Variants in DZIP3 observed in about 807,000 individuals in gnomAD.
The protein encoded by DZIP3 is E3 ubiquitin-protein ligase DZIP3.
A neutral mutation model predicts 162.0 loss-of-function variants in DZIP3; 118 were observed. The ratio of observed to expected loss-of-function variants is 0.73; its 90% CI spans 0.63 to 0.85. The LOEUF is 0.85. Ranked by LOEUF, DZIP3 falls within the 40% of genes least tolerant of loss-of-function variation. DZIP3 has a pLI of 0.00. For missense variants in DZIP3, 1,331 were observed against 1,407.0 expected (o/e 0.95, Z 0.86); for synonymous variants, 438 against 458.6 (o/e 0.96, Z 0.57).
intron 21 of DZIP3, among the ~76,000 whole-genome samples, chr3:108,665,576 C>T (rs146759619): frequency 0.012 from 1,796 of 152,190 alleles, 40 homozygotes; most frequent in African/African-American, 0.041. Flanking sequence ...ACTGAAATTT[C>T]CCCAAATTTG....
At chr3:108,667,941 A>G (rs992031449) in intron 21 of DZIP3, among the ~76,000 whole-genome samples, 1 of 152,102 alleles carries the variant, frequency 6.6e-6, no homozygotes, top group African/African-American at 2.4e-5. Context: ...GGACATAATG[A>G]CTACTCTGTG....
intron 1 of DZIP3, 175 bp downstream of exon 1, chr3:108,590,014 C>T (rs1315268046): frequency 6.6e-6 from 1 of 152,198 alleles, no homozygotes; most frequent in Non-Finnish European, 1.5e-5. Flanking sequence ...AAGTATTTGT[C>T]ACATTTATTC....
At position 108,662,274 on chromosome 3, in the gene DZIP3, T is replaced by G; in HGVS notation, c.2423+17T>G. The G allele has an allele frequency of 1.3e-6, 2 of 1,573,864 alleles. No homozygotes were observed. The highest frequency in any genetic ancestry group is 1.7e-6 in the Non-Finnish European group (2 of 1,167,416). On this transcript the variant is annotated intron_variant, in intron 21 of 32. Transcript: ENST00000361582. ...GGTTTCCAAGTAAGTGTAAATCTTTTGATAAAGGGAAATTCTGCGCCGTAA... is the reference window on the plus strand; with the variant it reads ...GGTTTCCAAGTAAGTGTAAATCTTTGGATAAAGGGAAATTCTGCGCCGTAA...
At chr3:108,622,663 T>G (rs1268622838) in intron 5 of DZIP3, among the ~76,000 whole-genome samples, 1 of 152,172 alleles carries the variant, frequency 6.6e-6, no homozygotes, top group Non-Finnish European at 1.5e-5. Flanking sequence ...ATTTAAGTCC[T>G]TGGTCACTGC....
intron 26 of DZIP3, among the ~76,000 whole-genome samples, chr3:108,681,689 A>G (rs1022499450): frequency 1.3e-5 from 2 of 152,164 alleles, no homozygotes; most frequent in African/African-American, 2.4e-5. Flanking sequence ...CCAAATGCCC[A>G]TCAGTGATAA....
intron 5 of DZIP3, among the ~76,000 whole-genome samples, chr3:108,624,220 T>G (rs115954522): frequency 0.019 from 2,905 of 152,300 alleles, 100 homozygotes; most frequent in African/African-American, 0.067. Flanking sequence ...TTGATTAAAT[T>G]TTAATGTTTT....
chr3:108,626,865 A>G (rs1328375091), intron 7 of DZIP3, among the ~76,000 whole-genome samples: 2 of 152,232 alleles, frequency 1.3e-5, no homozygotes, highest in Non-Finnish European at 2.9e-5. Flanking sequence ...ATGTTTGACT[A>G]AGATCTGAGG....
intron 13 of DZIP3, among the ~76,000 whole-genome samples, chr3:108,643,738 T>C (rs1417866323): frequency 6.6e-6 from 1 of 151,906 alleles, no homozygotes; most frequent in Non-Finnish European, 1.5e-5. Flanking sequence ...TATAAAACAT[T>C]TTATCACATG....
intron 17 of DZIP3, 137 bp from the exon 18 acceptor site, chr3:108,651,000 A>G: frequency 3.9e-6 from 1 of 255,432 alleles, no homozygotes; most frequent in Non-Finnish European, 7.4e-6. Flanking sequence ...GCATAAGTGC[A>G]TATGACATCA....
In DZIP3 at chr3:108,688,851, G is replaced by A; in HGVS notation, c.3443G>A (p.Cys1148Tyr). Residue 1148 changes from cysteine to tyrosine, a missense_variant, in exon 31 of 33, where the codon TGT becomes TAT. Coordinates refer to ENST00000361582, the MANE Select transcript of DZIP3 (RefSeq NM_014648.4). ...PDEEEEEEEP[C>Y]VICHENLSPE... ...GAGGAAGAGGAAGAAGAAGAGCCTT[G>A]TGTGATCTGTCATGAGAATCTGTCT... 1.9e-6 allele frequency: 3 copies of A among 1,614,186 alleles called. No individual in the cohort carries two copies. Among genetic ancestry groups the A allele is most frequent in the Non-Finnish European group, 2.5e-6 (3 of 1,180,038 alleles).
intron 5 of DZIP3, among the ~76,000 whole-genome samples, chr3:108,618,976 A>G (rs1282414423): frequency 6.8e-6 from 1 of 147,454 alleles, no homozygotes; most frequent in African/African-American, 2.5e-5. Context: ...CAGGAGAATC[A>G]ATTGAACCCA....
Position 108,601,773 on chromosome 3 carries a change from T to A in DZIP3, c.-72-3562T>A, listed in dbSNP as rs567145762. ...GGTGTTAAAGCTTGAAACTTGTATT[T>A]ATTTGAGTTTCTTCCTCAGGAAACG... On this transcript the variant is annotated intron_variant, in intron 1 of 32. Coordinates refer to ENST00000361582, the MANE Select transcript of DZIP3 (RefSeq NM_014648.4). 9.2e-5 allele frequency among the ~76,000 whole-genome samples: 14 copies of A among 152,328 alleles called. No homozygotes were observed. The South Asian group carries it at 2.9e-3, about 32-fold the overall frequency.
intron 5 of DZIP3, among the ~76,000 whole-genome samples, chr3:108,617,107 G>T (rs557512599): frequency 6.6e-6 from 1 of 152,240 alleles, no homozygotes; most frequent in Non-Finnish European, 1.5e-5. Flanking sequence ...AGGGGTAAGG[G>T]GTCAGGAGTA....
intron 15 of DZIP3, among the ~76,000 whole-genome samples, chr3:108,647,209 G>A (rs1942663495): frequency 6.6e-6 from 1 of 152,114 alleles, no homozygotes; most frequent in Non-Finnish European, 1.5e-5. Context: ...ATACCTTCCT[G>A]CTTTCTCTGT....
chr3:108,652,016 G>A (rs1942889801), intron 18 of DZIP3, among the ~76,000 whole-genome samples: 1 of 151,500 alleles, frequency 6.6e-6, no homozygotes. Flanking sequence ...ACTTTCTTTG[G>A]CAACAAGTTG....
rs1205565656 is a variant in DZIP3, at chr3:108,691,485, G to A, written c.*6+582G>A. ...GGTATGATCTAATGGTAAGAAACTG[G>A]AAGAAACATAGCAAGTCATTTGTTC... is the stretch of plus-strand genomic sequence containing the variant. On this transcript the variant is annotated intron_variant, in intron 32 of 32. Transcript: ENST00000361582. 5 of 152,120 alleles carry A rather than the reference G, an allele frequency of 3.3e-5. No homozygotes were observed. The East Asian group carries it at 9.6e-4, about 29-fold the overall frequency. The allele number at this position is 152,120 out of a possible 1,614,324, so 9.4% of individuals were successfully genotyped here.
intron 27 of DZIP3, 107 bp from the exon 28 acceptor site, chr3:108,686,338 G>C: frequency 9.7e-7 from 1 of 1,031,554 alleles, no homozygotes; most frequent in South Asian, 3.3e-5. Context: ...TGTAAAAATT[G>C]AATGTGTATG....
rs557395762 is a variant in DZIP3, at chr3:108,644,581, G to C, written c.1559G>C (p.Gly520Ala). Reference sequence around the variant, plus strand: ...CTCCTTAGTGAGATTTTGATGAATGGTCTCACTGAGTCACAGTTCAATTCA... The same window carrying C: ...CTCCTTAGTGAGATTTTGATGAATGCTCTCACTGAGTCACAGTTCAATTCA... ...DILLSEILMN[G>A]LTESQFNSIW... is the part of the protein sequence containing the mutation. Residue 520 changes from glycine to alanine, a missense_variant, in exon 14 of 33, where the codon GGT becomes GCT. Coordinates refer to ENST00000361582, the MANE Select transcript of DZIP3 (RefSeq NM_014648.4). The C allele has an allele frequency of 2.5e-6, 4 of 1,614,056 alleles. No individual in the cohort carries two copies. The highest frequency in any genetic ancestry group is 3.4e-6 in the Non-Finnish European group (4 of 1,179,944).
At chr3:108,648,384 A>T (rs1371429831) in intron 16 of DZIP3, 1 of 255,024 alleles carries the variant, frequency 3.9e-6, no homozygotes, top group Non-Finnish European at 7.3e-6. Context: ...ATCCCAGTTG[A>T]AGTGGATGTG....
Sources: allele counts gnomAD v4.1 joint callset (sites outside exome capture counted in the v4.1 genomes callset), GRCh38; gene constraint gnomAD v4.1.1; transcripts MANE v1.5; gene names NCBI Gene and HGNC (gene_info 2026-07-23, HGNC 2026-07-21).